PIR: variants seen among roughly 807,000 people sequenced by gnomAD.
The protein encoded by PIR is pirin (iron-binding nuclear protein).
In PIR, 22 loss-of-function variants were observed where a neutral mutation model predicts 24.2. The ratio of observed to expected loss-of-function variants is 0.91; its 90% CI spans 0.65 to 1.30. The LOEUF (loss-of-function observed/expected upper bound fraction) is 1.30. PIR is among the 50% of genes most tolerant of loss of function. The pLI, the probability that PIR is intolerant of heterozygous loss-of-function variation, is 0.00. For missense variants in PIR, 220 were observed against 220.3 expected, an observed-to-expected ratio of 1.00 and a Z score of 0.01; for synonymous variants, 80 against 79.6, an observed-to-expected ratio of 1.00 and a Z score of -0.03.
In PIR at chrX:15,390,169, G is replaced by A. The variant is rs1427808997; in HGVS notation, c.760+16C>T. Reference sequence around the variant, plus strand: ...AGGAAAATCAACCAAGAAAATCATTGTCATTTTGGTCTTACCATGTTGGAT... The same window carrying A: ...AGGAAAATCAACCAAGAAAATCATTATCATTTTGGTCTTACCATGTTGGAT... On this transcript the variant is annotated intron_variant, in intron 9 of 9. Coordinates refer to ENST00000380420, the MANE Select transcript of PIR (RefSeq NM_001018109.3). 2.0e-6 allele frequency: 2 copies of A among 989,612 alleles called. No individual in the cohort carries two copies. The highest frequency in any genetic ancestry group is 1.4e-6 in the Non-Finnish European group (1 of 718,491). The allele number at this position is 989,612 out of a possible 1,213,427, so 81.6% of individuals were successfully genotyped here. A position where few individuals can be genotyped will look rare whatever the true frequency, so the allele number is the denominator to read the frequency against.
chrX:15,449,052 C>T lies in PIR; in HGVS notation c.480+6796G>A, dbSNP rs1056922051. Among the ~76,000 whole-genome samples, 12 of 111,333 alleles carry T rather than the reference C, an allele frequency of 1.1e-4. 1 individual carries two copies. The highest frequency in any genetic ancestry group is 3.9e-4 in the African/African-American group (12 of 30,556). On this transcript the variant is annotated intron_variant, in intron 5 of 9. Transcript: ENST00000380420. ...ATGGGACATGTAAATTAAATGCCGT[C>T]CGCCCAAAAATCTCATGAGTTATGA...
chrX:15,390,335 A>G, intron 8 of PIR, 84 bp from the exon 9 acceptor site: 1 of 538,917 alleles, frequency 1.9e-6, no homozygotes, highest in South Asian at 3.9e-5. Context: ...TTGACATGCT[A>G]GCCAAATAGG....
Position 15,385,038 on chromosome X carries a change from C to T in PIR, c.839G>A (p.Arg280Lys), listed in dbSNP as rs749390761. The change falls in exon 10 of 10, where the codon AGG (arginine) becomes AAG (lysine). Residue 280 changes from arginine (R) to lysine (K), a missense_variant. Coordinates refer to ENST00000380420, the MANE Select transcript of PIR (RefSeq NM_001018109.3). The stretch of plus-strand genomic sequence containing the variant: ...AATCTTTGATTTCCAGGTTTTGGCC[C>T]TTTCAAACCCATTTTTTGCGTTTCT... Reference protein sequence around the residue: ...DFRNAKNGFERAKTWKSKIGN With the variant: ...DFRNAKNGFEKAKTWKSKIGN 3 of 1,190,760 alleles carry T rather than the reference C, an allele frequency of 2.5e-6. No individual in the cohort carries two copies. Among genetic ancestry groups the T allele is most frequent in the African/African-American group, 3.5e-5 (2 of 56,760 alleles).
At chrX:15,464,307 T>G in intron 3 of PIR, 1 of 429,332 alleles carries the variant, frequency 2.3e-6, no homozygotes, top group Non-Finnish European at 2.9e-6. Context: ...CAGATATGTT[T>G]CTTTCCATTT....
chrX:15,466,006 GTTTTTTTTTTT>G (rs200803758), intron 3 of PIR, among the ~76,000 whole-genome samples: 19 of 63,098 alleles, frequency 3.0e-4, no homozygotes, highest in African/African-American at 1.3e-3. Context: ...AATGGTGGCT[GTTTTTTTTTTT>G]TTTTTTTTTT....
At chrX:15,476,811 G>A (rs1307544738) in intron 3 of PIR, among the ~76,000 whole-genome samples, 1 of 111,866 alleles carries the variant, frequency 8.9e-6, no homozygotes, top group African/African-American at 3.2e-5. Context: ...GGTCAGAAAA[G>A]TCGAATAAAT....
intron 5 of PIR, among the ~76,000 whole-genome samples, chrX:15,436,209 A>G (rs1038798339): frequency 6.2e-5 from 7 of 112,485 alleles, no homozygotes; most frequent in Admixed American, 9.4e-5. Context: ...AATTTTAAAC[A>G]TAGCCAAATT....
chrX:15,454,371 T>A (rs1485362683), intron 5 of PIR, among the ~76,000 whole-genome samples: 1 of 110,744 alleles, frequency 9.0e-6, no homozygotes. Context: ...CAGTCAGGTA[T>A]GCTTAACTTT....
intron 5 of PIR, among the ~76,000 whole-genome samples, chrX:15,449,117 G>A (rs1472457620): frequency 8.9e-6 from 1 of 112,155 alleles, no homozygotes; most frequent in Non-Finnish European, 1.9e-5. Context: ...AAGTTGAGAT[G>A]CTTGTCGGCC....
At chrX:15,395,598 C>T (rs1330599582) in intron 8 of PIR, among the ~76,000 whole-genome samples, 1 of 111,878 alleles carries the variant, frequency 8.9e-6, no homozygotes, top group African/African-American at 3.3e-5. Flanking sequence ...TTGCAGTTGG[C>T]AGTATTATTT....
chrX:15,434,259 AAGG>A (rs1297891862), intron 5 of PIR, among the ~76,000 whole-genome samples: 2 of 102,990 alleles, frequency 1.9e-5, no homozygotes, highest in Admixed American at 1.0e-4. Flanking sequence ...GAGAAAGAAG[AAGG>A]AGGAGGAGAA....
chrX:15,385,120 G>C lies in PIR; in HGVS notation c.761-4C>G. 1 of 1,033,051 alleles carries C rather than the reference G, an allele frequency of 9.7e-7. No homozygotes were observed. Among genetic ancestry groups the C allele is most frequent in the Non-Finnish European group, 1.3e-6 (1 of 743,235 alleles). The allele number at this position is 1,033,051 out of a possible 1,213,427, so 85.1% of individuals were successfully genotyped here. On this transcript the variant is annotated splice_polypyrimidine_tract_variant and splice_region_variant and intron_variant, in intron 9 of 9. Transcript: ENST00000380420. Reference sequence around the variant, plus strand: ...TTGGTGTTCATCACAAATGGACCTAGGGCAGAAAGAGACATTCAGAAAGTT... The same window carrying C: ...TTGGTGTTCATCACAAATGGACCTACGGCAGAAAGAGACATTCAGAAAGTT...
rs753488944 is a variant in PIR at position 15,453,460 on chromosome X, A to G, written c.480+2388T>C. Among the ~76,000 whole-genome samples, 131 of 112,046 alleles carry G rather than the reference A, an allele frequency of 1.2e-3. 1 individual carries two copies. Among genetic ancestry groups the G allele is most frequent in the Non-Finnish European group, 1.9e-3 (100 of 53,278 alleles). On this transcript the variant is annotated intron_variant, in intron 5 of 9. Transcript: ENST00000380420. Reference sequence around the variant, plus strand: ...AAGGCCACACAGCTATTTCATGGTAAGGATTCTAACCCAGGCATTCTATCT... The same window carrying G: ...AAGGCCACACAGCTATTTCATGGTAGGGATTCTAACCCAGGCATTCTATCT...
At chrX:15,491,463 A>G (rs1382405560) in intron 1 of PIR, among the ~76,000 whole-genome samples, 154 bp from the exon 2 acceptor site, 1 of 112,169 alleles carries the variant, frequency 8.9e-6, no homozygotes, top group East Asian at 2.8e-4. Context: ...GGTGATTTAA[A>G]ACAACCATAA....
intron 3 of PIR, among the ~76,000 whole-genome samples, chrX:15,466,012 T>TTG (rs1399206640): frequency 1.5e-5 from 1 of 65,529 alleles, no homozygotes; most frequent in Non-Finnish European, 3.0e-5. Context: ...GGCTGTTTTT[T>TTG]TTTTTTTTTT....
intron 3 of PIR, among the ~76,000 whole-genome samples, chrX:15,463,165 T>A (rs1602284763): frequency 9.0e-6 from 1 of 111,073 alleles, no homozygotes; most frequent in South Asian, 3.8e-4. Flanking sequence ...TCTGAGTAAG[T>A]CTGCCTTATT....
In PIR at chrX:15,490,585, G is replaced by A. The variant is rs112206786; in HGVS notation, c.96+577C>T. 5.2e-3 allele frequency among the ~76,000 whole-genome samples: 582 copies of A among 111,971 alleles called. 2 individuals carry two copies. Among genetic ancestry groups the A allele is most frequent in the African/African-American group, 0.018 (541 of 30,736 alleles). ...TATTCAAATGAAAACATTCTCTAAA[G>A]TTGAAAGACATCTACCTAATCTATA... On this transcript the variant is annotated intron_variant, in intron 2 of 9. Coordinates refer to ENST00000380420, the MANE Select transcript of PIR (RefSeq NM_001018109.3).
intron 4 of PIR, among the ~76,000 whole-genome samples, chrX:15,457,533 C>T (rs746431096): frequency 8.9e-6 from 1 of 111,907 alleles, no homozygotes; most frequent in South Asian, 3.8e-4. Context: ...AAGTGTCCTG[C>T]TCAGTTCAAG....
chrX:15,490,218 T>G (rs957222962), intron 2 of PIR, among the ~76,000 whole-genome samples: 9 of 111,902 alleles, frequency 8.0e-5, no homozygotes, highest in Non-Finnish European at 1.7e-4. Context: ...ACTAAAAAAA[T>G]TGAACCCATC....
Sources: allele counts gnomAD v4.1 joint callset (sites outside exome capture counted in the v4.1 genomes callset), GRCh38; gene constraint gnomAD v4.1.1; transcripts MANE v1.5; gene names NCBI Gene and HGNC (gene_info 2026-07-23, HGNC 2026-07-21).